Variants in ADGRB3 observed in about 807,000 individuals in gnomAD.
ADGRB3 encodes the protein adhesion G protein-coupled receptor B3.
ADGRB3 carries 37 observed loss-of-function variants against 193.4 expected under a neutral mutation model. That is an observed-to-expected ratio of 0.19 (90% CI 0.15 to 0.25). The LOEUF (loss-of-function observed/expected upper bound fraction) is 0.25, where lower values mean the gene tolerates loss of function less well. ADGRB3 is among the 10% of genes least tolerant of loss of function. The pLI is 1.00. For missense variants in ADGRB3, 1,637 were observed against 1,852.9 expected (o/e 0.88, Z 2.14); for synonymous variants, 690 against 644.2 (o/e 1.07, Z -1.08).
Position 68,638,967 on chromosome 6 carries a change from A to C in ADGRB3, c.292A>C (p.Ile98Leu). ...GTTTGATCATTTTTCCCATGAAAAA[A>C]TAAAGGATCTTTTAAGAAAGAATCA... is the stretch of plus-strand genomic sequence containing the variant. ...YQFDHFSHEK[I>L]KDLLRKNHSI... The change falls in exon 3 of 32, where the codon ATA becomes CTA. Residue 98 changes from isoleucine to leucine, a missense_variant. Ile to Leu is a conservative substitution (Grantham distance 5). Transcript: ENST00000370598. The C allele has an allele frequency of 6.2e-7, 1 of 1,614,062 alleles. No homozygotes were observed. The highest frequency in any genetic ancestry group is 1.1e-5 in the South Asian group (1 of 91,072).
At chr6:69,050,918 T>G (rs1198914468) in intron 15 of ADGRB3, among the ~76,000 whole-genome samples, 1 of 152,202 alleles carries the variant, frequency 6.6e-6, no homozygotes, top group Non-Finnish European at 1.5e-5. Flanking sequence ...GTTTCCCTCC[T>G]AGATGTCCAG....
rs182137229 is a variant in ADGRB3 at position 69,338,510 on chromosome 6, A to C, written c.3189-406A>C. ...TATTTACATTTCAGAAGGTTTTCAC[A>C]GATATATATGCCTTCTGCAATTAAC... On this transcript the variant is annotated intron_variant, in intron 24 of 31. Coordinates refer to ENST00000370598, the MANE Select transcript of ADGRB3 (RefSeq NM_001704.3). Among the ~76,000 whole-genome samples the C allele has an allele frequency of 2.4e-4, 36 of 152,326 alleles. No homozygotes were observed. The East Asian group carries it at 6.9e-3, about 29-fold the overall frequency.
intron 17 of ADGRB3, among the ~76,000 whole-genome samples, chr6:69,107,421 T>C (rs371645473): frequency 2.0e-5 from 3 of 152,348 alleles, no homozygotes; most frequent in African/African-American, 7.2e-5. Context: ...GAGTGCCTAA[T>C]ATGTGCAAAT....
chr6:68,788,948 T>C (rs1231443265), intron 3 of ADGRB3, among the ~76,000 whole-genome samples: 3 of 152,220 alleles, frequency 2.0e-5, no homozygotes, highest in Non-Finnish European at 2.9e-5. Context: ...TGGTTTAAAG[T>C]CTGTTTTAGC....
intron 3 of ADGRB3, among the ~76,000 whole-genome samples, chr6:68,908,750 A>C (rs574775870): frequency 1.3e-5 from 2 of 152,108 alleles, no homozygotes; most frequent in Non-Finnish European, 2.9e-5. Context: ...TATTATTTCT[A>C]TATATTTTTA....
chr6:69,374,228 T>C (rs1769766383), intron 30 of ADGRB3, among the ~76,000 whole-genome samples: 1 of 152,112 alleles, frequency 6.6e-6, no homozygotes, highest in Non-Finnish European at 1.5e-5. Context: ...TCATGTGCTA[T>C]AACAGGTATG....
chr6:68,773,359 A>T (rs1215916219), intron 3 of ADGRB3, among the ~76,000 whole-genome samples: 1 of 152,098 alleles, frequency 6.6e-6, no homozygotes, highest in Non-Finnish European at 1.5e-5. Flanking sequence ...CGCAAAATTT[A>T]TACAGTCCTA....
intron 29 of ADGRB3, among the ~76,000 whole-genome samples, chr6:69,364,437 C>A (rs994702735): frequency 6.6e-6 from 1 of 152,020 alleles, no homozygotes; most frequent in Non-Finnish European, 1.5e-5. Flanking sequence ...ACAACAGCTT[C>A]CAGCCTTCAT....
chr6:68,762,351 G>A (rs1766408389), intron 3 of ADGRB3, among the ~76,000 whole-genome samples: 1 of 151,956 alleles, frequency 6.6e-6, no homozygotes, highest in African/African-American at 2.4e-5. Flanking sequence ...TATATATTTT[G>A]TTAAAATAAG....
At chr6:68,853,167 T>C (rs1768439748) in intron 3 of ADGRB3, among the ~76,000 whole-genome samples, 1 of 152,080 alleles carries the variant, frequency 6.6e-6, no homozygotes, top group South Asian at 2.1e-4. Flanking sequence ...AGTAAAGCTT[T>C]AATCTTTTAT....
At chr6:68,772,894 A>AAAAT (rs1466813173) in intron 3 of ADGRB3, among the ~76,000 whole-genome samples, 67 of 22,800 alleles carry the variant, frequency 2.9e-3, no homozygotes, top group Non-Finnish European at 4.1e-3. Context: ...AAAAAAAAAA[A>AAAAT]ATATATATAT....
At chr6:69,303,689 A>G (rs561369879) in intron 20 of ADGRB3, among the ~76,000 whole-genome samples, 1 of 152,010 alleles carries the variant, frequency 6.6e-6, no homozygotes, top group South Asian at 2.1e-4. Context: ...TTTTTTGCTC[A>G]TTTTTACTCT....
chr6:68,711,890 A>G (rs1765414692), intron 3 of ADGRB3, among the ~76,000 whole-genome samples: 1 of 152,050 alleles, frequency 6.6e-6, no homozygotes, highest in Non-Finnish European at 1.5e-5. Flanking sequence ...CCTAAGCTCT[A>G]TGTCAGTGAC....
intron 10 of ADGRB3, 106 bp downstream of exon 10, chr6:68,975,446 A>G: frequency 1.3e-6 from 1 of 792,840 alleles, no homozygotes; most frequent in Non-Finnish European, 2.0e-6. Flanking sequence ...AACATCTCTA[A>G]AAAAGAAATG....
chr6:69,073,754 C>T (rs1443147235), intron 16 of ADGRB3, among the ~76,000 whole-genome samples: 1 of 152,122 alleles, frequency 6.6e-6, no homozygotes, highest in Admixed American at 6.6e-5. Context: ...TAAAATAGGG[C>T]CAGACTGCTC....
chr6:69,086,002 C>A (rs887009531), intron 17 of ADGRB3, among the ~76,000 whole-genome samples: 3 of 151,332 alleles, frequency 2.0e-5, no homozygotes, highest in Non-Finnish European at 3.0e-5. Flanking sequence ...AAAAAAGAAA[C>A]CTTCTGTTTA....
In ADGRB3 at chr6:68,638,616, A is replaced by G. The variant is rs547089403; in HGVS notation, c.-15-45A>G. The stretch of plus-strand genomic sequence containing the variant: ...TGAAAGGAGTTTATTTTCTCAATGC[A>G]CGTAGACTCCTACTTGCATTTTACT... On this transcript the variant is annotated intron_variant, in intron 2 of 31. Transcript: ENST00000370598. 2.4e-5 allele frequency: 36 copies of G among 1,521,458 alleles called. No homozygotes were observed. The East Asian group carries it at 7.9e-4, about 34-fold the overall frequency. 94.2% of individuals were successfully genotyped at this position (1,521,458 alleles called of 1,614,324 possible).
intron 17 of ADGRB3, among the ~76,000 whole-genome samples, chr6:69,157,777 T>C (rs1310004518): frequency 6.6e-6 from 1 of 151,856 alleles, no homozygotes; most frequent in African/African-American, 2.4e-5. Context: ...AATGAGAAAT[T>C]GATGGTTAGA....
rs192514054 is a variant in ADGRB3 at position 68,781,896 on chromosome 6, C to T, written c.757+142464C>T. ...GTGTACCACCATAGGGTATTACAAGCGAAAGAAGGGAAGTGTAGGTAATAA... is the reference window on the plus strand; with the variant it reads ...GTGTACCACCATAGGGTATTACAAGTGAAAGAAGGGAAGTGTAGGTAATAA... On this transcript the variant is annotated intron_variant, in intron 3 of 31. Coordinates refer to ENST00000370598, the MANE Select transcript of ADGRB3 (RefSeq NM_001704.3). 2.8e-3 allele frequency among the ~76,000 whole-genome samples: 432 copies of T among 152,062 alleles called. 6 individuals are homozygous for T. Among genetic ancestry groups the T allele is most frequent in the African/African-American group, 0.01 (419 of 41,514 alleles).
Sources: gnomAD v4.1 joint callset for allele counts (sites outside exome capture counted in the v4.1 genomes callset) on GRCh38, gnomAD v4.1.1 for gene constraint, MANE v1.5 for transcripts, NCBI Gene and HGNC (gene_info 2026-07-23, HGNC 2026-07-21) for gene names.